The following PRR16 variants were observed in gnomAD, a reference collection of about 807,000 sequenced individuals.
The protein encoded by PRR16 is protein Largen.
In PRR16, 6 loss-of-function variants were observed where a neutral mutation model predicts 18.2. The observed-to-expected ratio is 0.33, with a 90% CI of 0.18 to 0.65. PRR16 has a LOEUF of 0.65. Ranked by LOEUF, PRR16 falls within the 30% of genes least tolerant of loss-of-function variation. PRR16 has a pLI of 0.74. For synonymous variants in PRR16, 151 were observed against 147.8 expected (o/e 1.02, Z -0.16); for missense variants, 412 against 376.6 (o/e 1.09, Z -0.78).
intron 1 of PRR16, chr5:120,618,429 T>C (rs547788061): frequency 2.1e-6 from 2 of 949,046 alleles, no homozygotes; most frequent in East Asian, 2.3e-4. Context: ...GTAATTATAC[T>C]GTTTTTTAAC....
intron 1 of PRR16, among the ~76,000 whole-genome samples, chr5:120,563,029 A>C (rs1228543724): frequency 1.3e-5 from 2 of 152,196 alleles, no homozygotes; most frequent in African/African-American, 4.8e-5. Flanking sequence ...TTTAGATTGA[A>C]GAATTCCCTT....
At chr5:120,695,314 G>A in the PRR16 span, among the ~76,000 whole-genome samples, 5 of 152,108 alleles carry the variant, frequency 3.3e-5, no homozygotes, top group African/African-American at 1.2e-4. Flanking sequence ...AGTTATTAGA[G>A]AATTAATATT....
chr5:120,601,869 G>C (rs62376429), intron 1 of PRR16, among the ~76,000 whole-genome samples: 34,134 of 151,908 alleles, frequency 0.22, 4,472 homozygotes, highest in Middle Eastern at 0.38. Flanking sequence ...AGGTCAGATG[G>C]TTATAGATGA....
chr5:120,467,197 A>G (rs1389379246), intron 1 of PRR16, among the ~76,000 whole-genome samples: 1 of 152,126 alleles, frequency 6.6e-6, no homozygotes, highest in Non-Finnish European at 1.5e-5. Flanking sequence ...CATATTCAGT[A>G]TTCTGGCAGC....
At chr5:120,746,892 A>G in the PRR16 span, among the ~76,000 whole-genome samples, 1 of 152,192 alleles carries the variant, frequency 6.6e-6, no homozygotes, top group Non-Finnish European at 1.5e-5. Context: ...AGGAGAAATT[A>G]TTTTGACTTA....
chr5:120,566,948 G>A (rs1752756714), intron 1 of PRR16, among the ~76,000 whole-genome samples: 1 of 151,984 alleles, frequency 6.6e-6, no homozygotes. Context: ...TTTCTTATAT[G>A]TCTCATGAAA....
chr5:120,731,489 A>G, the PRR16 span, among the ~76,000 whole-genome samples: 1 of 152,132 alleles, frequency 6.6e-6, no homozygotes, highest in African/African-American at 2.4e-5. Context: ...GGTAATTGCA[A>G]TCAGGCATGG....
chr5:120,710,322 G>A, the PRR16 span, among the ~76,000 whole-genome samples: 1 of 152,116 alleles, frequency 6.6e-6, no homozygotes, highest in African/African-American at 2.4e-5. Context: ...TATCATTTTA[G>A]TGGGAGGAAA....
the PRR16 span, among the ~76,000 whole-genome samples, chr5:120,761,674 G>T: frequency 6.6e-6 from 1 of 152,060 alleles, no homozygotes; most frequent in Admixed American, 6.6e-5. Flanking sequence ...TAATGATCAA[G>T]ACAGGGTATT....
At chr5:120,548,931 AT>A (rs1203515526) in intron 1 of PRR16, among the ~76,000 whole-genome samples, 3 of 150,272 alleles carry the variant, frequency 2.0e-5, no homozygotes, top group African/African-American at 7.4e-5. Flanking sequence ...CATGCTGAAA[AT>A]AAACTGTCGC....
rs1311080127 is a variant in PRR16 at position 120,655,427 on chromosome 5, G to A, written c.160-30527G>A. ...TTTTTATGGTCCCTAATAGTTTAGCGTCAAAATAAAGCATAAAAAGAGATG... is the reference window on the plus strand; with the variant it reads ...TTTTTATGGTCCCTAATAGTTTAGCATCAAAATAAAGCATAAAAAGAGATG... On this transcript the variant is annotated intron_variant, in intron 1 of 1. Coordinates refer to ENST00000407149, the MANE Select transcript of PRR16 (RefSeq NM_001300783.2). Among the ~76,000 whole-genome samples the A allele has an allele frequency of 1.1e-4, 16 of 143,040 alleles. No homozygotes were observed. In the East Asian group the frequency reaches 1.4e-3, roughly 13 times the overall value. 93.8% of individuals were successfully genotyped at this position (143,040 alleles called of 152,430 possible).
chr5:120,748,536 GAC>G, the PRR16 span, among the ~76,000 whole-genome samples: 1 of 151,954 alleles, frequency 6.6e-6, no homozygotes, highest in Non-Finnish European at 1.5e-5. Context: ...ATTAATCAAA[GAC>G]ATAATTATTT....
At chr5:120,610,172 C>A (rs962527879) in intron 1 of PRR16, among the ~76,000 whole-genome samples, 7 of 152,068 alleles carry the variant, frequency 4.6e-5, no homozygotes, top group African/African-American at 1.7e-4. Context: ...TGAATAAATT[C>A]TCTTGCTCTA....
intron 1 of PRR16, among the ~76,000 whole-genome samples, chr5:120,666,000 C>G (rs1051028417): frequency 5.9e-5 from 9 of 151,840 alleles, no homozygotes; most frequent in South Asian, 2.1e-4. Context: ...TGAAGAAAGT[C>G]ATTGGTAGCT....
At chr5:120,561,886 C>T (rs900296820) in intron 1 of PRR16, among the ~76,000 whole-genome samples, 2 of 152,158 alleles carry the variant, frequency 1.3e-5, no homozygotes, top group African/African-American at 4.8e-5. Context: ...TGAGGCCTCC[C>T]TAGCCAAGTG....
At chr5:120,609,322 C>G (rs1306339160) in intron 1 of PRR16, among the ~76,000 whole-genome samples, 1 of 151,832 alleles carries the variant, frequency 6.6e-6, no homozygotes, top group Non-Finnish European at 1.5e-5. Flanking sequence ...TTTTTATCAC[C>G]CCAGACAAAA....
At chr5:120,540,959 A>G (rs575778403) in intron 1 of PRR16, among the ~76,000 whole-genome samples, 1 of 152,294 alleles carries the variant, frequency 6.6e-6, no homozygotes, top group East Asian at 1.9e-4. Flanking sequence ...AGGCACCTGG[A>G]ACAGTGCCAT....
chr5:120,561,889 G>A (rs1468792197), intron 1 of PRR16, among the ~76,000 whole-genome samples: 2 of 152,164 alleles, frequency 1.3e-5, no homozygotes, highest in Non-Finnish European at 1.5e-5. Context: ...GGCCTCCCTA[G>A]CCAAGTGGAA....
intron 1 of PRR16, among the ~76,000 whole-genome samples, chr5:120,577,148 C>T (rs1476840329): frequency 1.3e-5 from 2 of 151,844 alleles, no homozygotes; most frequent in Admixed American, 6.6e-5. Flanking sequence ...ATATGATTCA[C>T]ATATATATCA....
Sources: gnomAD v4.1 joint callset for allele counts (sites outside exome capture counted in the v4.1 genomes callset) on GRCh38, gnomAD v4.1.1 for gene constraint, MANE v1.5 for transcripts, NCBI Gene and HGNC (gene_info 2026-07-23, HGNC 2026-07-21) for gene names.